The following IMPDH1 variants were observed in gnomAD, a reference collection of about 807,000 sequenced individuals.
IMPDH1 encodes inosine monophosphate dehydrogenase 1.
Under a neutral mutation model 73.5 loss-of-function variants are expected in IMPDH1, and 41 were observed. The ratio of observed to expected loss-of-function variants is 0.56; its 90% CI spans 0.43 to 0.72. The LOEUF is 0.72. IMPDH1 is among the 30% of genes least tolerant of loss of function. IMPDH1 has a pLI of 0.00. For missense variants in IMPDH1, 645 were observed against 824.8 expected (o/e 0.78, Z 2.67); for synonymous variants, 318 against 334.3 (o/e 0.95, Z 0.53).
At chr7:128,399,209 C>CA (rs1213181528) in intron 9 of IMPDH1, among the ~76,000 whole-genome samples, 1 of 150,596 alleles carries the variant, frequency 6.6e-6, no homozygotes, top group African/African-American at 2.5e-5. Flanking sequence ...ACTAAAAATA[C>CA]AAAAAAATTA....
chr7:128,397,601 T>G (rs1201367741), intron 10 of IMPDH1, among the ~76,000 whole-genome samples: 1 of 152,184 alleles, frequency 6.6e-6, no homozygotes, highest in Non-Finnish European at 1.5e-5. Context: ...CTCCTAGTTA[T>G]AGAATACAGA....
At position 128,395,005 on chromosome 7, in the gene IMPDH1, A is replaced by G; in HGVS notation, c.1434T>C (p.Thr478=). Residue 478 remains threonine (T), a synonymous_variant, in exon 14 of 17, where the codon ACT becomes ACC. Coordinates refer to ENST00000338791, the MANE Select transcript of IMPDH1 (RefSeq NM_000883.4). ...AGAAGTACTCGCCAGGGGCCTCCGT[A>G]GTGGCGGCCAGCAGGGAGCCCATCA... ...TVMMGSLLAA[T]TEAPGEYFFS... is the part of the protein sequence containing the mutation. 3.1e-6 allele frequency: 5 copies of G among 1,614,000 alleles called. No homozygotes were observed. The highest frequency in any genetic ancestry group is 4.2e-6 in the Non-Finnish European group (5 of 1,180,014).
At chr7:128,397,416 A>C (rs970717369) in intron 10 of IMPDH1, among the ~76,000 whole-genome samples, 1 of 152,170 alleles carries the variant, frequency 6.6e-6, no homozygotes, top group Non-Finnish European at 1.5e-5. Context: ...CTGTTCCTCA[A>C]TGGACTGATA....
At chr7:128,397,758 G>T (rs1329959032) in intron 10 of IMPDH1, among the ~76,000 whole-genome samples, 1 of 152,034 alleles carries the variant, frequency 6.6e-6, no homozygotes, top group Admixed American at 6.6e-5. Context: ...TAAGGATTCA[G>T]TGGGTACATG....
chr7:128,394,800 C>T lies in IMPDH1; in HGVS notation c.1550+89G>A. The T allele has an allele frequency of 6.5e-7, 1 of 1,529,732 alleles. No homozygotes were observed. The highest frequency in any genetic ancestry group is 9.0e-7 in the Non-Finnish European group (1 of 1,111,764). The allele number at this position is 1,529,732 out of a possible 1,614,324, so 94.8% of individuals were successfully genotyped here. ...AGTTTCCAGAACCACCATATGGGGA[C>T]TGGCTGCCATCTGGGGAAGTCGGTG... On this transcript the variant is annotated intron_variant, in intron 14 of 16. Coordinates refer to ENST00000338791, the MANE Select transcript of IMPDH1 (RefSeq NM_000883.4). This position sits in a 1 kb window ranked among gnomAD's most constrained non-coding sequence, Gnocchi z 5.5.
At chr7:128,397,044 C>T (rs1797970944) in intron 10 of IMPDH1, 22 bp from the exon 11 acceptor site, 3 of 1,577,832 alleles carry the variant, frequency 1.9e-6, no homozygotes, top group Non-Finnish European at 2.6e-6. Context: ...GACGGAAGAG[C>T]TTGGGCTTAG....
At chr7:128,395,456 T>C (rs1197437923) in intron 12 of IMPDH1, among the ~76,000 whole-genome samples, 182 bp from the exon 13 acceptor site, 1 of 152,160 alleles carries the variant, frequency 6.6e-6, no homozygotes, top group Non-Finnish European at 1.5e-5. Flanking sequence ...AGTGTCACTC[T>C]AGGGATCTGG....
Position 128,400,519 on chromosome 7 carries a change from G to A in IMPDH1, c.600C>T (p.Ile200=). ...AGGGGCTCAGCACCACAGGGTCCGTGATGAAGCCCTGTTCAAACTTCTGCG... is the reference window on the plus strand; with the variant it reads ...AGGGGCTCAGCACCACAGGGTCCGTAATGAAGCCCTGTTCAAACTTCTGCG... ...RKVKKFEQGF[I]TDPVVLSPSH... The change falls in exon 8 of 17, where the codon ATC becomes ATT. Residue 200 remains isoleucine (I), a synonymous_variant. Transcript: ENST00000338791. 6.2e-7 allele frequency: 1 copy of A among 1,612,854 alleles called. No individual in the cohort carries two copies. Among genetic ancestry groups the A allele is most frequent in the Non-Finnish European group, 8.5e-7 (1 of 1,179,922 alleles).
intron 4 of IMPDH1, among the ~76,000 whole-genome samples, chr7:128,404,876 C>T (rs1798596900): frequency 6.6e-6 from 1 of 152,186 alleles, no homozygotes; most frequent in South Asian, 2.1e-4. Context: ...GTGTTCTATA[C>T]ACCCGTCGCC....
chr7:128,409,743 CCCTGGGCGTCA>C lies in IMPDH1; in HGVS notation c.146+2_146+12del. 6.6e-7 allele frequency: 1 copy of C among 1,525,752 alleles called. No individual in the cohort carries two copies. The highest frequency in any genetic ancestry group is 8.8e-7 in the Non-Finnish European group (1 of 1,142,208). The allele number at this position is 1,525,752 out of a possible 1,614,324, so 94.5% of individuals were successfully genotyped here. A position where few individuals can be genotyped will look rare whatever the true frequency, so the allele number is the denominator to read the frequency against. On this transcript the variant is annotated splice_donor_variant and splice_donor_5th_base_variant and intron_variant, in intron 1 of 16. Transcript: ENST00000338791. LOFTEE classifies it high-confidence loss of function. ...CCCCGGATGCGCCCCGCGCGCTCTG[CCCTGGGCGTCA>C]CCTCTCGGGCTCGTAGCCGGCCTGC...
rs1257194511 is a variant in IMPDH1, at chr7:128,409,936, G to A, written c.-35C>T. 1.5e-6 allele frequency: 2 copies of A among 1,330,286 alleles called. No homozygotes were observed. The highest frequency in any genetic ancestry group is 4.0e-5 in the South Asian group (2 of 50,048). 82.4% of individuals were successfully genotyped at this position (1,330,286 alleles called of 1,614,324 possible). A position where few individuals can be genotyped will look rare whatever the true frequency, so the allele number is the denominator to read the frequency against. ...GCAGCTCAGGGCGGGCGGGAGCCTG[G>A]AGGCTCCCGGGGCCCCGGCTGGGCA... is the stretch of plus-strand genomic sequence containing the variant. On this transcript the variant is annotated 5_prime_UTR_variant, in exon 1 of 17. Coordinates refer to ENST00000338791, the MANE Select transcript of IMPDH1 (RefSeq NM_000883.4).
chr7:128,400,682 C>T (rs1798267991), intron 7 of IMPDH1, 135 bp downstream of exon 7: 1 of 1,183,912 alleles, frequency 8.4e-7, no homozygotes, highest in Non-Finnish European at 1.3e-6. Context: ...AAAATGAGGG[C>T]TCGGCCCCAA....
In IMPDH1 at chr7:128,409,840, G is replaced by A; in HGVS notation, c.62C>T (p.Pro21Leu). 2 of 1,496,182 alleles carry A rather than the reference G, an allele frequency of 1.3e-6. No individual in the cohort carries two copies. The highest frequency in any genetic ancestry group is 8.8e-7 in the Non-Finnish European group (1 of 1,129,958). The allele number at this position is 1,496,182 out of a possible 1,614,324, so 92.7% of individuals were successfully genotyped here. A position where few individuals can be genotyped will look rare whatever the true frequency, so the allele number is the denominator to read the frequency against. Residue 21 changes from proline (P) to leucine (L), a missense_variant, in exon 1 of 17, where the codon CCC becomes CTC. By Grantham distance (98) the Pro-to-Leu change is moderately conservative (BLOSUM62 -3). This residue lies in a region of IMPDH1 where 186 missense variants were observed against 186.6 expected (regional missense o/e 1.00). Coordinates refer to ENST00000338791, the MANE Select transcript of IMPDH1 (RefSeq NM_000883.4). ...QGGGAAAVPE[P>L]GARQHPGHET... ...GTGTCCCGGGTGTTGCCGGGCTCCG[G>A]GCTCCGGAACAGCGGCGGCTCCGCC...
chr7:128,398,744 A>G lies in IMPDH1; in HGVS notation c.875-131T>C. On this transcript the variant is annotated intron_variant, in intron 9 of 16. Coordinates refer to ENST00000338791, the MANE Select transcript of IMPDH1 (RefSeq NM_000883.4). The surrounding 1 kb of genome is among the most constrained non-coding windows in gnomAD (Gnocchi z 4.3). The stretch of plus-strand genomic sequence containing the variant: ...AAGTACCCCAGTCAGCCACTAGGTG[A>G]CAGCACCGCCCCCAGGAAGTGTTCC... The G allele has an allele frequency of 1.4e-6, 1 of 712,234 alleles. No individual in the cohort carries two copies. Among genetic ancestry groups the G allele is most frequent in the South Asian group, 1.5e-5 (1 of 66,656 alleles). 44.1% of individuals were successfully genotyped at this position (712,234 alleles called of 1,614,324 possible). A position where few individuals can be genotyped will look rare whatever the true frequency, so the allele number is the denominator to read the frequency against.
rs767349860 is a variant in IMPDH1, at chr7:128,394,612, T to G, written c.1551-13A>C. On this transcript the variant is annotated splice_polypyrimidine_tract_variant and intron_variant, in intron 14 of 16. Transcript: ENST00000338791. This position sits in a 1 kb window ranked among gnomAD's most constrained non-coding sequence, Gnocchi z 5.5. ...TTTATCCCCCTCGCTGCGTGGAGGG[T>G]GGAAGACTGAGCCCAGCAGCTTGAA... 1 of 1,612,588 alleles carries G rather than the reference T, an allele frequency of 6.2e-7. No homozygotes were observed. Among genetic ancestry groups the G allele is most frequent in the Non-Finnish European group, 8.5e-7 (1 of 1,179,846 alleles).
At chr7:128,404,836 C>T (rs1416476146) in intron 4 of IMPDH1, among the ~76,000 whole-genome samples, 2 of 152,176 alleles carry the variant, frequency 1.3e-5, no homozygotes, top group Non-Finnish European at 2.9e-5. Context: ...AGAAGAAATG[C>T]TGGAGTCTGG....
rs1395574426 is a variant in IMPDH1, at chr7:128,394,833, C to T, written c.1550+56G>A. On this transcript the variant is annotated intron_variant, in intron 14 of 16. Coordinates refer to ENST00000338791, the MANE Select transcript of IMPDH1 (RefSeq NM_000883.4). The surrounding 1 kb of genome is among the most constrained non-coding windows in gnomAD (Gnocchi z 5.5). Reference sequence around the variant, plus strand: ...CATCTGGGGAAGTCGGTGGCATGAGCGGGCCCTGAAGGGTTGTGGGCTGAT... The same window carrying T: ...CATCTGGGGAAGTCGGTGGCATGAGTGGGCCCTGAAGGGTTGTGGGCTGAT... The T allele has an allele frequency of 2.7e-5, 43 of 1,599,510 alleles. No individual in the cohort carries two copies. Among genetic ancestry groups the T allele is most frequent in the African/African-American group, 5.4e-5 (4 of 74,664 alleles).
At position 128,400,423 on chromosome 7, in the gene IMPDH1, C is replaced by T. The variant is rs781190817; in HGVS notation, c.696G>A (p.Thr232=). The stretch of plus-strand genomic sequence containing the variant: ...CCACCAGCTTGCTGCCCATGGTGCC[C>T]GTCTCAGTGATGGGGATGCCAGAGA... The part of the protein sequence containing the change: ...HGFSGIPITE[T]GTMGSKLVGI... Residue 232 remains threonine (T), a synonymous_variant, in exon 8 of 17, where the codon ACG becomes ACA. Transcript: ENST00000338791. 36 of 1,612,156 alleles carry T rather than the reference C, an allele frequency of 2.2e-5. No individual in the cohort carries two copies. The highest frequency in any genetic ancestry group is 8.8e-5 in the South Asian group (8 of 90,900).
rs373276383 is a variant in IMPDH1, at chr7:128,396,940, C to A, written c.1157G>T (p.Gly386Val). The change falls in exon 11 of 17, where the codon GGG (glycine) becomes GTG (valine). Residue 386 changes from glycine (G) to valine (V), a missense_variant. Around this residue, in one of 2 missense-constraint regions of IMPDH1, gnomAD observed 459 missense variants for 638.2 expected, o/e 0.72. Coordinates refer to ENST00000338791, the MANE Select transcript of IMPDH1 (RefSeq NM_000883.4). The surrounding 1 kb of genome is among the most constrained non-coding windows in gnomAD (Gnocchi z 4.0). ...KQKYPHLQVI[G>V]GNVVTAAQAK... ...GGCGACCCCGCACTCACCGTTCCCC[C>A]CAATCACCTGGAGGTGGGGGTACTT... The A allele has an allele frequency of 1.1e-5, 18 of 1,612,822 alleles. No homozygotes were observed. The highest frequency in any genetic ancestry group is 1.4e-5 in the Non-Finnish European group (17 of 1,179,110).
Sources: gnomAD v4.1 joint callset for allele counts (sites outside exome capture counted in the v4.1 genomes callset) on GRCh38, gnomAD v4.1.1 for gene constraint, gnomAD v4.1.1 regional missense constraint, Gnocchi (gnomAD v3.1) non-coding constraint, MANE v1.5 for transcripts, NCBI Gene and HGNC (gene_info 2026-07-23, HGNC 2026-07-21) for gene names.